AAMDC: variants seen among roughly 807,000 people sequenced by gnomAD.
The protein encoded by AAMDC is adipogenesis associated Mth938 domain containing.
A neutral mutation model predicts 15.5 loss-of-function variants in AAMDC; 16 were observed. That is an observed-to-expected ratio of 1.03 (90% CI 0.70 to 1.57). The LOEUF (loss-of-function observed/expected upper bound fraction) is 1.57. Among genes scored for constraint, AAMDC ranks in the 40% most tolerant of loss-of-function variants. AAMDC has a pLI of 0.00. For synonymous variants in AAMDC, 51 were observed against 51.6 expected (o/e 0.99, Z 0.05); for missense variants, 141 against 144.9 (o/e 0.97, Z 0.14).
At chr11:77,823,442 T>C (rs1949023733) in intron 1 of AAMDC, among the ~76,000 whole-genome samples, 1 of 151,344 alleles carries the variant, frequency 6.6e-6, no homozygotes. Flanking sequence ...AGTTTAAAAA[T>C]AATCTGGGCG....
At chr11:77,874,192 A>C (rs114704300), downstream of AAMDC, among the ~76,000 whole-genome samples, 346 of 152,256 alleles carry the variant, frequency 2.3e-3, no homozygotes, top group African/African-American at 7.9e-3. Flanking sequence ...TGAGTGCTTC[A>C]CAGACCCGAC....
At chr11:77,861,819 G>T (rs988468066) in intron 2 of AAMDC, among the ~76,000 whole-genome samples, 2 of 152,070 alleles carry the variant, frequency 1.3e-5, no homozygotes, top group Non-Finnish European at 2.9e-5. Context: ...GTCCCGTTCT[G>T]CCTGCTCCTC....
chr11:77,842,702 TA>T (rs1362122631), intron 2 of AAMDC, 74 bp downstream of exon 2: 2 of 1,570,090 alleles, frequency 1.3e-6, no homozygotes, highest in African/African-American at 1.4e-5. Flanking sequence ...CTGCAATGAC[TA>T]AGTGAAAAAC....
chr11:77,844,168 G>A (rs1287705278), intron 2 of AAMDC, among the ~76,000 whole-genome samples: 1 of 152,174 alleles, frequency 6.6e-6, no homozygotes, highest in Non-Finnish European at 1.5e-5. Flanking sequence ...AGTGGAAAGA[G>A]AGGTAGCTAG....
intron 2 of AAMDC, among the ~76,000 whole-genome samples, chr11:77,859,304 G>T (rs888780633): frequency 2.0e-5 from 3 of 152,120 alleles, no homozygotes; most frequent in Non-Finnish European, 4.4e-5. Context: ...TATCTGCTTG[G>T]TAGTTCCCTT....
intron 1 of AAMDC, among the ~76,000 whole-genome samples, chr11:77,822,354 G>A (rs1948950677): frequency 2.1e-5 from 3 of 142,160 alleles, no homozygotes; most frequent in Admixed American, 1.5e-4. Context: ...GGCGAAGGTT[G>A]CAGTGAGTCG....
At chr11:77,824,896 T>C (rs1291440896) in intron 1 of AAMDC, among the ~76,000 whole-genome samples, 1 of 152,230 alleles carries the variant, frequency 6.6e-6, no homozygotes, top group African/African-American at 2.4e-5. Flanking sequence ...TTAGCATTGG[T>C]ACCAGTCTGC....
At chr11:77,846,529 A>G (rs2136163175) in intron 2 of AAMDC, among the ~76,000 whole-genome samples, 1 of 152,204 alleles carries the variant, frequency 6.6e-6, no homozygotes, top group South Asian at 2.1e-4. Flanking sequence ...CAACGTGGAG[A>G]AACCCCGTCT....
chr11:77,886,189 C>CA (rs1184096338), intron 5 of AAMDC, among the ~76,000 whole-genome samples: 1 of 151,876 alleles, frequency 6.6e-6, no homozygotes, highest in Non-Finnish European at 1.5e-5. Context: ...AGGCAACAGA[C>CA]AGAGACCTTG....
chr11:77,840,438 A>T (rs1318926388), intron 1 of AAMDC, among the ~76,000 whole-genome samples: 1 of 152,196 alleles, frequency 6.6e-6, no homozygotes, highest in African/African-American at 2.4e-5. Flanking sequence ...CTGAGGCAGG[A>T]TAATCACTTG....
At chr11:77,884,837 C>A in intron 5 of AAMDC, 1 of 397,438 alleles carries the variant, frequency 2.5e-6, no homozygotes. Flanking sequence ...TCACTGAAGC[C>A]TCAAACTCCT....
At chr11:77,855,772 C>G (rs1434688347) in intron 2 of AAMDC, among the ~76,000 whole-genome samples, 3 of 142,720 alleles carry the variant, frequency 2.1e-5, no homozygotes, top group East Asian at 4.1e-4. Context: ...CTAGAGGCAG[C>G]CAGACCATGT....
rs567441396 is a variant in AAMDC at position 77,864,735 on chromosome 11, T to C, written c.133-4987T>C. 2.0e-4 allele frequency among the ~76,000 whole-genome samples: 30 copies of C among 152,264 alleles called. No homozygotes were observed. In the Middle Eastern group the frequency reaches 0.01, roughly 52 times the overall value. On this transcript the variant is annotated intron_variant, in intron 2 of 3. Transcript: ENST00000393427. ...GGCTCACACCTGTAATCTCAACACG[T>C]TGGGAGACCAAGATGGGAGGATTGT...
intron 5 of AAMDC, among the ~76,000 whole-genome samples, chr11:77,889,064 C>T (rs1040953418): frequency 1.3e-5 from 2 of 152,140 alleles, no homozygotes; most frequent in Admixed American, 6.5e-5. Flanking sequence ...ACCCAGTCAT[C>T]GCATTACTGG....
At chr11:77,822,414 C>CAAAAAAAA (rs66463325) in intron 1 of AAMDC, among the ~76,000 whole-genome samples, 3 of 74,770 alleles carry the variant, frequency 4.0e-5, no homozygotes, top group East Asian at 3.6e-4. Flanking sequence ...GACTCCACCT[C>CAAAAAAAA]AAAAAAAAAA....
chr11:77,903,484 G>C (rs1952841636), downstream of AAMDC: 1 of 1,605,382 alleles, frequency 6.2e-7, no homozygotes, highest in Admixed American at 1.7e-5. Flanking sequence ...CTCTGTCTTG[G>C]ACCAGACAAT....
chr11:77,878,094 T>A (rs139247032), intron 5 of AAMDC, among the ~76,000 whole-genome samples: 1 of 152,160 alleles, frequency 6.6e-6, no homozygotes, highest in Non-Finnish European at 1.5e-5. Flanking sequence ...AAGGCGCGGT[T>A]GCTCACACTT....
At chr11:77,838,027 C>G (rs1372782308) in intron 1 of AAMDC, among the ~76,000 whole-genome samples, 1 of 152,164 alleles carries the variant, frequency 6.6e-6, no homozygotes, top group African/African-American at 2.4e-5. Context: ...GAGCTAAGAT[C>G]ACACTACTGC....
At chr11:77,859,215 A>C (rs1950769699) in intron 2 of AAMDC, among the ~76,000 whole-genome samples, 1 of 152,168 alleles carries the variant, frequency 6.6e-6, no homozygotes, top group Non-Finnish European at 1.5e-5. Flanking sequence ...GGTTTCCCAG[A>C]GGGGATTACC....
Sources: gnomAD v4.1 joint callset for allele counts (sites outside exome capture counted in the v4.1 genomes callset) on GRCh38, gnomAD v4.1.1 for gene constraint, MANE v1.5 for transcripts, NCBI Gene and HGNC (gene_info 2026-07-23, HGNC 2026-07-21) for gene names.